The following TMEM94 variants were observed in gnomAD, a reference collection of about 807,000 sequenced individuals.
TMEM94 encodes transmembrane protein 94.
TMEM94 carries 81 observed loss-of-function variants against 158.6 expected under a neutral mutation model. The observed-to-expected ratio is 0.51, with a 90% CI of 0.43 to 0.61. The LOEUF is 0.61. TMEM94 is among the 20% of genes least tolerant of loss of function. The pLI, the probability that TMEM94 is intolerant of heterozygous loss-of-function variation, is 0.00. For synonymous variants in TMEM94, 751 were observed against 730.7 expected, an observed-to-expected ratio of 1.03 and a Z score of -0.45; for missense variants, 1,435 against 1,762.0, an observed-to-expected ratio of 0.81 and a Z score of 3.32.
chr17:75,486,100 C>T (rs2051581451), intron 4 of TMEM94, 102 bp downstream of exon 4: 8 of 1,456,230 alleles, frequency 5.5e-6, no homozygotes, highest in Non-Finnish European at 7.3e-6. Context: ...CACCCCCAAG[C>T]TGCTCCTGGG....
Position 75,496,936 on chromosome 17 carries a change from A to G in TMEM94, c.3321+129A>G, listed in dbSNP as rs567284708. 6 of 1,118,154 alleles carry G rather than the reference A, an allele frequency of 5.4e-6. No homozygotes were observed. In the African/African-American group the frequency reaches 9.2e-5, roughly 17 times the overall value. The allele number at this position is 1,118,154 out of a possible 1,614,324, so 69.3% of individuals were successfully genotyped here. On this transcript the variant is annotated intron_variant, in intron 25 of 31. Transcript: ENST00000314256. ...AGGGGTCCCCCCAGAGCCTCTGTGAAGCCCCTGGGCTTTTTGAGCTGACCC... is the reference window on the plus strand; with the variant it reads ...AGGGGTCCCCCCAGAGCCTCTGTGAGGCCCCTGGGCTTTTTGAGCTGACCC...
intron 1 of TMEM94, among the ~76,000 whole-genome samples, chr17:75,465,669 A>ATAT: frequency 1.2e-5 from 1 of 82,116 alleles, no homozygotes; most frequent in African/African-American, 4.7e-5. Context: ...ATATATATAT[A>ATAT]TATATATATA....
In TMEM94 at chr17:75,491,799, C is replaced by A; in HGVS notation, c.1495C>A (p.Pro499Thr). 5 of 1,614,074 alleles carry A rather than the reference C, an allele frequency of 3.1e-6. No homozygotes were observed. The highest frequency in any genetic ancestry group is 4.2e-6 in the Non-Finnish European group (5 of 1,180,034). ...TGGCGAGGCTCCCAAGCCCCCCGAG[C>A]CCTATTCACACCACAAAGCGCATGG... ...WPGEAPKPPE[P>T]YSHHKAHGRS... Residue 499 changes from proline (P) to threonine (T), a missense_variant, in exon 14 of 32, where the codon CCC (proline) becomes ACC (threonine). Physicochemically the swap from Pro to Thr is conservative, Grantham distance 38. Coordinates refer to ENST00000314256, the MANE Select transcript of TMEM94 (RefSeq NM_014738.6). The surrounding 1 kb of genome is among the most constrained non-coding windows in gnomAD (Gnocchi z 5.1).
rs779398079 is a variant in TMEM94 at position 75,492,098 on chromosome 17, C to CGAA, written c.1596+198_1596+199insGAA. 2.8e-5 allele frequency: 22 copies of CGAA among 776,676 alleles called. No homozygotes were observed. The highest frequency in any genetic ancestry group is 4.0e-5 in the Non-Finnish European group (20 of 495,150). 48.1% of individuals were successfully genotyped at this position (776,676 alleles called of 1,614,324 possible). On this transcript the variant is annotated intron_variant, in intron 14 of 31. Transcript: ENST00000314256. This position sits in a 1 kb window ranked among gnomAD's most constrained non-coding sequence, Gnocchi z 4.4. ...TAGGTGGAGCCTCCCCCTACCCTTC[C>CGAA]ATTCTTGTAATCGCAATCACTGGTG...
At chr17:75,473,125 G>A (rs1015609398) in intron 2 of TMEM94, among the ~76,000 whole-genome samples, 4 of 152,168 alleles carry the variant, frequency 2.6e-5, no homozygotes, top group Non-Finnish European at 5.9e-5. Flanking sequence ...CTAGAGAGGG[G>A]GCTGTGGGTT....
At chr17:75,460,858 C>G (rs2050041537) in intron 1 of TMEM94, among the ~76,000 whole-genome samples, 1 of 151,980 alleles carries the variant, frequency 6.6e-6, no homozygotes, top group African/African-American at 2.4e-5. Flanking sequence ...CCATTGTAAC[C>G]AGTTCTGTGG....
At chr17:75,475,605 A>G (rs758780814) in intron 2 of TMEM94, among the ~76,000 whole-genome samples, 3 of 152,214 alleles carry the variant, frequency 2.0e-5, no homozygotes, top group Non-Finnish European at 4.4e-5. Flanking sequence ...TCCCTGAATG[A>G]TGCCTCTGGA....
intron 16 of TMEM94, 60 bp downstream of exon 16, chr17:75,493,162 C>G (rs1598419774): frequency 6.5e-7 from 1 of 1,543,876 alleles, no homozygotes; most frequent in South Asian, 1.2e-5. Context: ...GGCAGGGGGG[C>G]TCTGCCCAGC....
intron 2 of TMEM94, among the ~76,000 whole-genome samples, chr17:75,477,962 C>T (rs530983611): frequency 9.6e-5 from 14 of 145,296 alleles, no homozygotes; most frequent in Non-Finnish European, 1.9e-4. Flanking sequence ...TGAGCCATAG[C>T]ACCACTGCAC....
chr17:75,483,223 A>C (rs910638304), intron 2 of TMEM94, among the ~76,000 whole-genome samples: 1 of 152,170 alleles, frequency 6.6e-6, no homozygotes, highest in Non-Finnish European at 1.5e-5. Context: ...CCAGGAGCAC[A>C]CACAAGAATC....
Position 75,496,015 on chromosome 17 carries a change from C to T in TMEM94, c.2994C>T (p.Cys998=). The T allele has an allele frequency of 6.2e-7, 1 of 1,613,522 alleles. No homozygotes were observed. The highest frequency in any genetic ancestry group is 8.5e-7 in the Non-Finnish European group (1 of 1,179,968). ...KIMQEYGEVT[C]CLGSSANLRN... is the part of the protein sequence containing the mutation. Reference sequence around the variant, plus strand: ...TGCAAGAGTACGGGGAGGTGACCTGCTGCCTGGGCAGCTCTGCCAACCTGC... The same window carrying T: ...TGCAAGAGTACGGGGAGGTGACCTGTTGCCTGGGCAGCTCTGCCAACCTGC... The change falls in exon 23 of 32, where the codon TGC becomes TGT. Residue 998 remains cysteine (C), a synonymous_variant. Transcript: ENST00000314256.
Position 75,490,703 on chromosome 17 carries a change from T to C in TMEM94, c.1073T>C (p.Leu358Pro). Reference sequence around the variant, plus strand: ...GGACCTCACCCTCTCTCCGTGCAGCTGGCTAAGTTCTCAGAGGATACTCTC... The same window carrying C: ...GGACCTCACCCTCTCTCCGTGCAGCCGGCTAAGTTCTCAGAGGATACTCTC... Reference protein sequence around the residue: ...QMSKASPSSLLAKFSEDTLSS... With the variant: ...QMSKASPSSLPAKFSEDTLSS... The change falls in exon 11 of 32, where the codon CTG becomes CCG. Residue 358 changes from leucine (L) to proline (P), a missense_variant and splice_region_variant. Leu to Pro is a moderately conservative substitution (Grantham distance 98, BLOSUM62 -3). Coordinates refer to ENST00000314256, the MANE Select transcript of TMEM94 (RefSeq NM_014738.6). 6.2e-7 allele frequency: 1 copy of C among 1,614,080 alleles called. No homozygotes were observed. Among genetic ancestry groups the C allele is most frequent in the Non-Finnish European group, 8.5e-7 (1 of 1,179,944 alleles).
At position 75,486,392 on chromosome 17, in the gene TMEM94, G is replaced by A. The variant is rs2051612378; in HGVS notation, c.375G>A (p.Glu125=). 7 of 1,614,212 alleles carry A rather than the reference G, an allele frequency of 4.3e-6. No individual in the cohort carries two copies. The highest frequency in any genetic ancestry group is 5.9e-6 in the Non-Finnish European group (7 of 1,180,032). ...ACCGGCTGAAGCGTCGGGAGGTAGA[G>A]CGGAGGCTGCGAGGGATCATTGACC... ...RQDRLKRREV[E]RRLRGIIDQI... The change falls in exon 5 of 32, where the codon GAG becomes GAA. Residue 125 remains glutamate (E), a synonymous_variant. Transcript: ENST00000314256.
chr17:75,497,647 G>C, intron 26 of TMEM94, 134 bp from the exon 27 acceptor site: 1 of 671,780 alleles, frequency 1.5e-6, no homozygotes, highest in Non-Finnish European at 2.6e-6. Flanking sequence ...AGCCACTGCC[G>C]TCCAGCCTTT....
chr17:75,488,249 G>T, intron 6 of TMEM94, 115 bp downstream of exon 6: 9 of 962,762 alleles, frequency 9.3e-6, no homozygotes, highest in Non-Finnish European at 1.3e-5. Flanking sequence ...TGGCTTTTTG[G>T]CAGAGGCTCT....
intron 16 of TMEM94, 101 bp from the exon 17 acceptor site, chr17:75,493,390 G>A: frequency 4.2e-6 from 5 of 1,204,436 alleles, no homozygotes; most frequent in Non-Finnish European, 4.8e-6. Context: ...CCTCTGGCAG[G>A]GGCTCCTCAG....
In TMEM94 at chr17:75,499,529, G is replaced by C; in HGVS notation, c.*195G>C. On this transcript the variant is annotated 3_prime_UTR_variant, in exon 32 of 32. Coordinates refer to ENST00000314256, the MANE Select transcript of TMEM94 (RefSeq NM_014738.6). ...TCACTGTGGAGGAGCTGACGGCCTG[G>C]GCCCTTGGCCAGTCCTGGCTCTTCC... 1.6e-6 allele frequency: 1 copy of C among 609,418 alleles called. No individual in the cohort carries two copies. The highest frequency in any genetic ancestry group is 2.0e-5 in the South Asian group (1 of 50,842). The allele number at this position is 609,418 out of a possible 1,614,324, so 37.8% of individuals were successfully genotyped here.
chr17:75,465,946 T>C (rs971124299), intron 1 of TMEM94, among the ~76,000 whole-genome samples: 4 of 152,010 alleles, frequency 2.6e-5, no homozygotes, highest in African/African-American at 9.7e-5. Flanking sequence ...AGAGGCAGGA[T>C]CTTACTCTGT....
rs1312446741 is a variant in TMEM94, at chr17:75,485,798, G to C, written c.145-73G>C. The stretch of plus-strand genomic sequence containing the variant: ...CCAAGGCGGCCATGGGGGCTGGGAA[G>C]GGTGCCGGGGGAGGCAGCCAGATTG... On this transcript the variant is annotated intron_variant, in intron 3 of 31. Coordinates refer to ENST00000314256, the MANE Select transcript of TMEM94 (RefSeq NM_014738.6). This position sits in a 1 kb window ranked among gnomAD's most constrained non-coding sequence, Gnocchi z 5.5. 6.6e-7 allele frequency: 1 copy of C among 1,512,096 alleles called. No individual in the cohort carries two copies. The highest frequency in any genetic ancestry group is 1.4e-5 in the African/African-American group (1 of 72,658). The allele number at this position is 1,512,096 out of a possible 1,614,324, so 93.7% of individuals were successfully genotyped here.
Sources: gnomAD v4.1 joint callset for allele counts (sites outside exome capture counted in the v4.1 genomes callset) on GRCh38, gnomAD v4.1.1 for gene constraint, Gnocchi (gnomAD v3.1) non-coding constraint, MANE v1.5 for transcripts, NCBI Gene and HGNC (gene_info 2026-07-23, HGNC 2026-07-21) for gene names.